The following AMPD2 variants were observed in gnomAD, a reference collection of about 807,000 sequenced individuals.
AMPD2 encodes the protein AMP deaminase 2.
A neutral mutation model predicts 91.3 loss-of-function variants in AMPD2; 52 were observed. That is an observed-to-expected ratio of 0.57 (90% confidence interval 0.46 to 0.72). The LOEUF is 0.72. AMPD2 is among the 30% of genes least tolerant of loss of function. The pLI is 0.00. For synonymous variants in AMPD2, 455 were observed against 456.4 expected, an observed-to-expected ratio of 1.00 and a Z score of 0.04; for missense variants, 822 against 1,122.3, an observed-to-expected ratio of 0.73 and a Z score of 3.82.
chr1:109,621,994 A>G (rs755708941), intron 2 of AMPD2, among the ~76,000 whole-genome samples: 11 of 152,188 alleles, frequency 7.2e-5, no homozygotes, highest in Non-Finnish European at 1.3e-4. Flanking sequence ...TGCCTGTCTC[A>G]GTGAGGGCTT....
chr1:109,625,333 T>C lies in AMPD2; in HGVS notation c.122T>C (p.Leu41Pro), dbSNP rs1157946312. ...EARGGLGAPP[L>P]QSARSLPGPA... ...CGGGGTGGTCTGGGGGCCCCTCCGCTGCAGTCTGCCCGATCCCTGCCGGGC... is the reference window on the plus strand; with the variant it reads ...CGGGGTGGTCTGGGGGCCCCTCCGCCGCAGTCTGCCCGATCCCTGCCGGGC... Residue 41 changes from leucine (L) to proline (P), a missense_variant, in exon 3 of 19, where the codon CTG becomes CCG. Physicochemically the swap from Leu to Pro is moderately conservative, Grantham distance 98. This residue lies in a region of AMPD2 where 105 missense variants were observed against 125.0 expected (regional missense o/e 0.84). Coordinates refer to ENST00000528667, the MANE Select transcript of AMPD2 (RefSeq NM_001368809.2). This position sits in a 1 kb window ranked among gnomAD's most constrained non-coding sequence, Gnocchi z 4.0. 1 of 1,613,166 alleles carries C rather than the reference T, an allele frequency of 6.2e-7. No individual in the cohort carries two copies. Among genetic ancestry groups the C allele is most frequent in the Non-Finnish European group, 8.5e-7 (1 of 1,179,872 alleles).
intron 2 of AMPD2, chr1:109,622,257 T>A (rs527847456): frequency 1.1e-4 from 51 of 456,294 alleles, no homozygotes; most frequent in South Asian, 6.5e-4. Context: ...AGAAAGGGTG[T>A]CCCCTGGGTG....
At position 109,630,419 on chromosome 1, in the gene AMPD2, C is replaced by T; in HGVS notation, c.2157+13C>T. 6.6e-7 allele frequency: 1 copy of T among 1,504,346 alleles called. No individual in the cohort carries two copies. Among genetic ancestry groups the T allele is most frequent in the Non-Finnish European group, 9.0e-7 (1 of 1,115,372 alleles). The allele number at this position is 1,504,346 out of a possible 1,614,324, so 93.2% of individuals were successfully genotyped here. ...CCACTTCACCAAGGTCAGAGCCCAG[C>T]AGGCAGCCAGGCGGGCGGGCGTCCC... On this transcript the variant is annotated intron_variant, in intron 17 of 18. Transcript: ENST00000528667.
At chr1:109,630,838 C>A in intron 18 of AMPD2, 45 bp downstream of exon 18, 1 of 1,592,486 alleles carries the variant, frequency 6.3e-7, no homozygotes. Context: ...TCACTCCTCC[C>A]CTCCTCTGCA....
chr1:109,628,812 T>G lies in AMPD2; in HGVS notation c.1571+6T>G, dbSNP rs1180925719. 1 of 1,557,206 alleles carries G rather than the reference T, an allele frequency of 6.4e-7. No individual in the cohort carries two copies. The highest frequency in any genetic ancestry group is 8.7e-7 in the Non-Finnish European group (1 of 1,150,030). On this transcript the variant is annotated splice_donor_region_variant and intron_variant, in intron 13 of 18. Transcript: ENST00000528667. The surrounding 1 kb of genome is among the most constrained non-coding windows in gnomAD (Gnocchi z 7.1). ...GTGCAGGTGCCCCGCCTCTTGTGAGTGTCCCTGGAGTGGGAGGGGAACCTG... is the reference window on the plus strand; with the variant it reads ...GTGCAGGTGCCCCGCCTCTTGTGAGGGTCCCTGGAGTGGGAGGGGAACCTG...
At chr1:109,626,001 C>T in intron 4 of AMPD2, 159 bp from the exon 5 acceptor site, 1 of 1,127,516 alleles carries the variant, frequency 8.9e-7, no homozygotes. Context: ...GGTCTGCTTT[C>T]TCATCTCTAA....
chr1:109,620,893 C>T (rs1379494296), intron 1 of AMPD2, 21 bp from the exon 2 acceptor site: 2 of 1,445,432 alleles, frequency 1.4e-6, no homozygotes, highest in African/African-American at 1.4e-5. Context: ...TTCTACCCAC[C>T]CCCTCCCCGC....
rs774972952 is a variant in AMPD2 at position 109,621,260 on chromosome 1, G to A, written c.85G>A (p.Ala29Thr). Residue 29 changes from alanine (A) to threonine (T), a missense_variant, in exon 2 of 19, where the codon GCT (alanine) becomes ACT (threonine). Transcript: ENST00000528667. The stretch of plus-strand genomic sequence containing the variant: ...GGCCAGCCTGCAGGCCTCCACTGCA[G>A]CTCCAGGTGAGTGTGTGCTTCCTGG... Reference protein sequence around the residue: ...KRASLQASTAAPEARGGLGAP... With the variant: ...KRASLQASTATPEARGGLGAP... 2.5e-6 allele frequency: 4 copies of A among 1,612,676 alleles called. No homozygotes were observed. The highest frequency in any genetic ancestry group is 3.4e-6 in the Non-Finnish European group (4 of 1,179,540).
intron 2 of AMPD2, among the ~76,000 whole-genome samples, chr1:109,621,960 G>A (rs1650310638): frequency 1.3e-5 from 2 of 152,222 alleles, no homozygotes; most frequent in African/African-American, 2.4e-5. Context: ...TGCATCATTT[G>A]GAGCAGGCAG....
chr1:109,625,783 AG>A lies in AMPD2; in HGVS notation c.346del (p.Asp116MetfsTer17). ...RRQRLERQIS[Q>X]DVKLEPDILL... ...CAGCGGCTGGAGCGGCAGATCAGCCAGGATGTCAAGTGAGCCCGGCAGGCAG... is the reference window on the plus strand; with the variant it reads ...CAGCGGCTGGAGCGGCAGATCAGCCAGATGTCAAGTGAGCCCGGCAGGCAG... On this transcript the variant is annotated frameshift_variant, in exon 4 of 19. Transcript: ENST00000528667. LOFTEE classifies it high-confidence loss of function. This position sits in a 1 kb window ranked among gnomAD's most constrained non-coding sequence, Gnocchi z 4.0. 1.9e-6 allele frequency: 3 copies of A among 1,614,062 alleles called. No individual in the cohort carries two copies. Among genetic ancestry groups the A allele is most frequent in the Non-Finnish European group, 2.5e-6 (3 of 1,180,008 alleles).
At position 109,629,469 on chromosome 1, in the gene AMPD2, C is replaced by T. The variant is rs1651013583; in HGVS notation, c.1841C>T (p.Ala614Val). 1 of 1,613,874 alleles carries T rather than the reference C, an allele frequency of 6.2e-7. No homozygotes were observed. Among genetic ancestry groups the T allele is most frequent in the Admixed American group, 1.7e-5 (1 of 59,994 alleles). The change falls in exon 15 of 19, where the codon GCC (alanine) becomes GTC (valine). Residue 614 changes from alanine to valine, a missense_variant. By Grantham distance (64) the Ala-to-Val change is moderately conservative. This residue lies in a region of AMPD2 where 430 missense variants were observed against 606.0 expected (regional missense o/e 0.71). Coordinates refer to ENST00000528667, the MANE Select transcript of AMPD2 (RefSeq NM_001368809.2). ...YYLYYTFANM[A>V]MLNHLRRQRG... ...CTGTACTACACCTTTGCCAACATGG[C>T]CATGTTGAACCACCTGCGCAGGTGC...
chr1:109,628,480 TGC>T lies in AMPD2; in HGVS notation c.1393_1394del (p.Ala465SerfsTer31). 6.2e-7 allele frequency: 1 copy of T among 1,612,684 alleles called. No homozygotes were observed. Among genetic ancestry groups the T allele is most frequent in the Non-Finnish European group, 8.5e-7 (1 of 1,179,998 alleles). On this transcript the variant is annotated frameshift_variant, in exon 12 of 19. Transcript: ENST00000528667. LOFTEE classifies it high-confidence loss of function. This position sits in a 1 kb window ranked among gnomAD's most constrained non-coding sequence, Gnocchi z 7.1. ...ACAACAGGGTATCTGGGAAGTACTT[TGC>T]TCACATCATCAAGGTAAGGAGGCAG... ...TDNRVSGKYF[A>X]HIIKEVMSDL...
chr1:109,620,765 G>GC (rs1650178218), intron 1 of AMPD2, 149 bp from the exon 2 acceptor site: 2 of 1,281,734 alleles, frequency 1.6e-6, no homozygotes, highest in Admixed American at 7.5e-5. Context: ...TTCCAGGCTA[G>GC]CTGGAAGGAC....
rs371797266 is a variant in AMPD2, at chr1:109,626,707, C to T, written c.532-19C>T. 8.7e-6 allele frequency: 14 copies of T among 1,605,840 alleles called. No individual in the cohort carries two copies. The highest frequency in any genetic ancestry group is 6.7e-5 in the East Asian group (3 of 44,800). ...TGAGTCCAAGACTGAGGAGAGTGAT[C>T]GCATATCCTCATCTCCAGGTGCCGT... On this transcript the variant is annotated intron_variant, in intron 6 of 18. Coordinates refer to ENST00000528667, the MANE Select transcript of AMPD2 (RefSeq NM_001368809.2).
chr1:109,629,328 T>C lies in AMPD2; in HGVS notation c.1700T>C (p.Val567Ala), dbSNP rs754636327. 4 of 1,613,968 alleles carry C rather than the reference T, an allele frequency of 2.5e-6. No homozygotes were observed. Among genetic ancestry groups the C allele is most frequent in the Non-Finnish European group, 8.5e-7 (1 of 1,180,010 alleles). Residue 567 changes from valine to alanine, a missense_variant and splice_region_variant, in exon 15 of 19, where the codon GTG becomes GCG. By Grantham distance (64) the Val-to-Ala change is moderately conservative (BLOSUM62 0). Coordinates refer to ENST00000528667, the MANE Select transcript of AMPD2 (RefSeq NM_001368809.2). The stretch of plus-strand genomic sequence containing the variant: ...TCTGACCCCAGGGTTCTGTATTAGG[T>C]GGATGGTTTTGACAGCGTGGATGAT... The part of the protein sequence containing the change: ...HPELHLFLEH[V>A]DGFDSVDDES...
chr1:109,629,975 G>C lies in AMPD2; in HGVS notation c.1983+59G>C, dbSNP rs972358867. 8.7e-5 allele frequency: 135 copies of C among 1,547,066 alleles called. No homozygotes were observed. In the African/African-American group the frequency reaches 1.7e-3, roughly 19 times the overall value. ...TTGTTCACCTTCCTCTGAACCATTC[G>C]GGCCCCTTCAGCAACCGATCCTCCT... On this transcript the variant is annotated intron_variant, in intron 16 of 18. Transcript: ENST00000528667.
chr1:109,627,692 C>T, intron 9 of AMPD2, 82 bp from the exon 10 acceptor site: 1 of 1,577,646 alleles, frequency 6.3e-7, no homozygotes, highest in African/African-American at 1.3e-5. Flanking sequence ...CTCCCACCTG[C>T]TCCCTCTGAT....
At position 109,631,422 on chromosome 1, in the gene AMPD2, G is replaced by T; in HGVS notation, c.*270G>T. On this transcript the variant is annotated 3_prime_UTR_variant, in exon 19 of 19. Coordinates refer to ENST00000528667, the MANE Select transcript of AMPD2 (RefSeq NM_001368809.2). ...CCTGTCCTGGGATCCTCAGAAGCCT[G>T]ACTGTCCTATGGGCTTCTCCAGTGT... 1 of 543,802 alleles carries T rather than the reference G, an allele frequency of 1.8e-6. No individual in the cohort carries two copies. 33.7% of individuals were successfully genotyped at this position (543,802 alleles called of 1,614,324 possible). A position where few individuals can be genotyped will look rare whatever the true frequency, so the allele number is the denominator to read the frequency against.
chr1:109,626,986 T>C, intron 7 of AMPD2, 74 bp downstream of exon 7: 1 of 1,555,884 alleles, frequency 6.4e-7, no homozygotes, highest in East Asian at 2.3e-5. Flanking sequence ...CCTGGGCACC[T>C]CTGCCCTGCC....
Sources: gnomAD v4.1 joint callset for allele counts (sites outside exome capture counted in the v4.1 genomes callset) on GRCh38, gnomAD v4.1.1 for gene constraint, gnomAD v4.1.1 regional missense constraint, Gnocchi (gnomAD v3.1) non-coding constraint, MANE v1.5 for transcripts, NCBI Gene and HGNC (gene_info 2026-07-23, HGNC 2026-07-21) for gene names.